The following VTI1A variants were observed in gnomAD, a reference collection of about 807,000 sequenced individuals.
VTI1A encodes vesicle transport through interaction with t-SNAREs 1A.
VTI1A carries 22 observed loss-of-function variants against 34.9 expected under a neutral mutation model. That is an observed-to-expected ratio of 0.63 (90% confidence interval 0.45 to 0.90). The LOEUF is 0.90. VTI1A is among the 40% of genes least tolerant of loss of function. The pLI is 0.00. For missense variants in VTI1A, 268 were observed against 275.6 expected, an observed-to-expected ratio of 0.97 and a Z score of 0.20; for synonymous variants, 87 against 97.3, an observed-to-expected ratio of 0.89 and a Z score of 0.62.
intron 5 of VTI1A, among the ~76,000 whole-genome samples, chr10:112,546,192 CAT>C (rs1293209381): frequency 6.8e-6 from 1 of 147,394 alleles, no homozygotes; most frequent in Admixed American, 6.7e-5. Flanking sequence ...TACGCACACA[CAT>C]ATATATGCAT....
chr10:112,590,396 AATTT>A (rs1360758868), intron 5 of VTI1A, among the ~76,000 whole-genome samples: 2 of 152,138 alleles, frequency 1.3e-5, no homozygotes, highest in African/African-American at 2.4e-5. Flanking sequence ...GAGATGTATA[AATTT>A]ATTTATTGCA....
chr10:112,669,515 G>A (rs1353205867), intron 7 of VTI1A, among the ~76,000 whole-genome samples: 1 of 152,114 alleles, frequency 6.6e-6, no homozygotes, highest in Non-Finnish European at 1.5e-5. Flanking sequence ...AGAAACAAAT[G>A]TTCATGTTTT....
chr10:112,618,968 A>G (rs1199881608), intron 5 of VTI1A, among the ~76,000 whole-genome samples: 1 of 152,128 alleles, frequency 6.6e-6, no homozygotes, highest in African/African-American at 2.4e-5. Flanking sequence ...ACCAATTATT[A>G]ATTAGCTGTC....
At position 112,815,335 on chromosome 10, in the gene VTI1A, G is replaced by C. The variant is rs772782928; in HGVS notation, c.606G>C (p.Val202=). 9 of 1,613,938 alleles carry C rather than the reference G, an allele frequency of 5.6e-6. No homozygotes were observed. Among genetic ancestry groups the C allele is most frequent in the Non-Finnish European group, 7.6e-6 (9 of 1,180,000 alleles). ...TGCTCGTCATCCTAGGGATCATCGTGGTCATCACCATCCTGATGGCGATCA... is the reference window on the plus strand; with the variant it reads ...TGCTCGTCATCCTAGGGATCATCGTCGTCATCACCATCCTGATGGCGATCA... The part of the protein sequence containing the change: ...RILLVILGII[V]VITILMAITF... Residue 202 remains valine (V), a synonymous_variant, in exon 8 of 8, where the codon GTG becomes GTC. Coordinates refer to ENST00000393077, the MANE Select transcript of VTI1A (RefSeq NM_145206.4).
chr10:112,735,494 T>C (rs1850419282), intron 7 of VTI1A, among the ~76,000 whole-genome samples: 1 of 152,258 alleles, frequency 6.6e-6, no homozygotes, highest in African/African-American at 2.4e-5. Context: ...TGGCAAGCTC[T>C]GAGCCTACAA....
chr10:112,848,437 A>T, the VTI1A span, among the ~76,000 whole-genome samples: 1 of 152,210 alleles, frequency 6.6e-6, no homozygotes, highest in Non-Finnish European at 1.5e-5. Flanking sequence ...TGACCTGATG[A>T]CACAGTCCCT....
the VTI1A span, among the ~76,000 whole-genome samples, chr10:112,838,725 C>T: frequency 3.0e-3 from 457 of 152,268 alleles, 4 homozygotes; most frequent in African/African-American, 0.01. Context: ...CCTCGGTCAC[C>T]GGGCAGCTCA....
the VTI1A span, among the ~76,000 whole-genome samples, chr10:112,841,468 A>C: frequency 6.6e-6 from 1 of 152,192 alleles, no homozygotes; most frequent in South Asian, 2.1e-4. Context: ...GTTTGGATAC[A>C]AAGAAATTAC....
chr10:112,750,147 T>G (rs1251665400), intron 7 of VTI1A, among the ~76,000 whole-genome samples: 2 of 152,050 alleles, frequency 1.3e-5, no homozygotes, highest in Non-Finnish European at 2.9e-5. Context: ...TTATTGTCTT[T>G]GGGGAGAAAC....
At chr10:112,582,095 T>A (rs962551840) in intron 5 of VTI1A, among the ~76,000 whole-genome samples, 2 of 152,162 alleles carry the variant, frequency 1.3e-5, no homozygotes, top group African/African-American at 4.8e-5. Context: ...TCTCCAGTTC[T>A]AGAGGCTGGA....
chr10:112,704,172 A>G (rs1590091194), intron 7 of VTI1A, among the ~76,000 whole-genome samples: 1 of 152,350 alleles, frequency 6.6e-6, no homozygotes, highest in East Asian at 1.9e-4. Context: ...TCGTATTAAC[A>G]ATAAACCAGA....
intron 5 of VTI1A, among the ~76,000 whole-genome samples, chr10:112,616,858 A>G (rs978917857): frequency 6.6e-6 from 1 of 152,200 alleles, no homozygotes; most frequent in Admixed American, 6.5e-5. Flanking sequence ...ATTTTGCAGA[A>G]TGCAACAGAG....
At chr10:112,548,504 C>T in intron 5 of VTI1A, 1 of 559,474 alleles carries the variant, frequency 1.8e-6, no homozygotes, top group South Asian at 2.6e-5. Context: ...GATTCATTAA[C>T]CAGTCTTTTA....
chr10:112,471,236 TGC>T (rs1451753589), intron 3 of VTI1A, among the ~76,000 whole-genome samples: 2 of 152,186 alleles, frequency 1.3e-5, no homozygotes, highest in African/African-American at 4.8e-5. Flanking sequence ...TTAAAATTCA[TGC>T]GGTAATTTGC....
chr10:112,484,208 C>T (rs1311098891), intron 3 of VTI1A, among the ~76,000 whole-genome samples: 1 of 152,234 alleles, frequency 6.6e-6, no homozygotes, highest in Admixed American at 6.5e-5. Flanking sequence ...TTGGGCAAGT[C>T]ATTGTGTCTC....
At chr10:112,527,763 G>A (rs995671248) in intron 4 of VTI1A, among the ~76,000 whole-genome samples, 21 of 151,464 alleles carry the variant, frequency 1.4e-4, no homozygotes, top group African/African-American at 5.1e-4. Context: ...TGCAGTTTAA[G>A]ATCTGCGTAG....
At chr10:112,642,977 C>T (rs201209474) in intron 5 of VTI1A, among the ~76,000 whole-genome samples, 17 of 121,006 alleles carry the variant, frequency 1.4e-4, no homozygotes, top group Middle Eastern at 5.1e-3. Flanking sequence ...TTTTTCTTTT[C>T]TTTTTTTTTT....
At chr10:112,725,286 G>A (rs1298788684) in intron 7 of VTI1A, among the ~76,000 whole-genome samples, 1 of 152,170 alleles carries the variant, frequency 6.6e-6, no homozygotes, top group East Asian at 1.9e-4. Flanking sequence ...TTATCGTCCT[G>A]TAAAAATGTT....
chr10:112,519,640 G>A (rs530882462), intron 3 of VTI1A, among the ~76,000 whole-genome samples: 4 of 152,102 alleles, frequency 2.6e-5, no homozygotes, highest in South Asian at 2.1e-4. Flanking sequence ...CTGTTGTGGC[G>A]GTGTAATAAA....
Sources: allele counts gnomAD v4.1 joint callset (sites outside exome capture counted in the v4.1 genomes callset), GRCh38; gene constraint gnomAD v4.1.1; transcripts MANE v1.5; gene names NCBI Gene and HGNC (gene_info 2026-07-23, HGNC 2026-07-21).